The following KHDRBS2 variants were observed in gnomAD, a reference collection of about 807,000 sequenced individuals.
KHDRBS2 encodes the protein KH RNA binding domain containing, signal transduction associated 2.
Under a neutral mutation model 44.3 loss-of-function variants are expected in KHDRBS2, and 26 were observed. The ratio of observed to expected loss-of-function variants is 0.59; its 90% CI spans 0.43 to 0.81. The LOEUF (loss-of-function observed/expected upper bound fraction) is 0.81. Among genes scored for constraint, KHDRBS2 ranks in the 40% least tolerant of loss-of-function variants. The pLI is 0.00. For synonymous variants in KHDRBS2, 194 were observed against 151.1 expected (o/e 1.28, Z -2.08); for missense variants, 476 against 433.1 (o/e 1.10, Z -0.88).
At chr6:61,550,436 C>A in the KHDRBS2 span, among the ~76,000 whole-genome samples, 1 of 152,128 alleles carries the variant, frequency 6.6e-6, no homozygotes, top group Non-Finnish European at 1.5e-5. Flanking sequence ...ATCCAGTCTA[C>A]AATTTATGGA....
At chr6:62,064,330 C>T (rs1157721589) in intron 2 of KHDRBS2, among the ~76,000 whole-genome samples, 1 of 149,112 alleles carries the variant, frequency 6.7e-6, no homozygotes, top group Non-Finnish European at 1.5e-5. Context: ...CAAGTCAATC[C>T]TAAGCCAAAA....
At chr6:61,771,650 A>G (rs1780929182) in intron 6 of KHDRBS2, among the ~76,000 whole-genome samples, 1 of 152,184 alleles carries the variant, frequency 6.6e-6, no homozygotes, top group East Asian at 1.9e-4. Flanking sequence ...TCCTAAATAT[A>G]TATGCACCCA....
intron 2 of KHDRBS2, among the ~76,000 whole-genome samples, chr6:62,053,950 T>C (rs1030666376): frequency 6.6e-6 from 1 of 151,982 alleles, no homozygotes; most frequent in Non-Finnish European, 1.5e-5. Context: ...GGAGATACCA[T>C]TTATATAGGA....
At chr6:61,613,121 G>C in the KHDRBS2 span, among the ~76,000 whole-genome samples, 1 of 152,150 alleles carries the variant, frequency 6.6e-6, no homozygotes, top group South Asian at 2.1e-4. Flanking sequence ...CAAAGTGCTG[G>C]GATTACAGGC....
the KHDRBS2 span, among the ~76,000 whole-genome samples, chr6:61,603,381 C>T: frequency 5.9e-5 from 9 of 152,118 alleles, no homozygotes; most frequent in Non-Finnish European, 1.3e-4. Context: ...CCTTTGCATC[C>T]TTCATCCCAG....
intron 7 of KHDRBS2, among the ~76,000 whole-genome samples, chr6:61,723,540 C>A (rs1350275484): frequency 6.6e-6 from 1 of 151,890 alleles, no homozygotes; most frequent in South Asian, 2.1e-4. Context: ...CAGAGAAAGA[C>A]TCCATCTCAA....
the KHDRBS2 span, among the ~76,000 whole-genome samples, chr6:61,583,144 A>G: frequency 1.3e-5 from 2 of 151,800 alleles, no homozygotes; most frequent in Non-Finnish European, 3.0e-5. Context: ...GCCCTTTTTC[A>G]ATGAACTGAT....
At chr6:61,962,390 T>A (rs1053239858) in intron 4 of KHDRBS2, among the ~76,000 whole-genome samples, 24 of 152,206 alleles carry the variant, frequency 1.6e-4, no homozygotes, top group African/African-American at 5.8e-4. Flanking sequence ...AACAAAATAG[T>A]ATGTGTGGCC....
At chr6:61,888,034 A>G (rs1361543052) in intron 6 of KHDRBS2, among the ~76,000 whole-genome samples, 1 of 152,214 alleles carries the variant, frequency 6.6e-6, no homozygotes, top group African/African-American at 2.4e-5. Context: ...ACAGTTTTTC[A>G]AAAATATATC....
intron 1 of KHDRBS2, among the ~76,000 whole-genome samples, chr6:62,202,101 A>T (rs1341113888): frequency 6.6e-6 from 1 of 152,124 alleles, no homozygotes; most frequent in African/African-American, 2.4e-5. Context: ...AATTGGGTAT[A>T]GGACTTGTAT....
At chr6:62,129,285 G>A (rs1015417714) in intron 2 of KHDRBS2, among the ~76,000 whole-genome samples, 2 of 152,036 alleles carry the variant, frequency 1.3e-5, no homozygotes, top group Admixed American at 1.3e-4. Context: ...ATTCTTACAG[G>A]TAAATGTCAT....
At chr6:61,974,745 A>G (rs887745157) in intron 4 of KHDRBS2, among the ~76,000 whole-genome samples, 4 of 151,748 alleles carry the variant, frequency 2.6e-5, no homozygotes, top group Admixed American at 6.6e-5. Context: ...AGCCTGACCA[A>G]TGTGGTGAAA....
the KHDRBS2 span, among the ~76,000 whole-genome samples, chr6:61,651,018 T>C: frequency 1.3e-5 from 2 of 152,106 alleles, no homozygotes; most frequent in South Asian, 4.1e-4. Flanking sequence ...TTAGTCTTAA[T>C]GGAAATTCAA....
chr6:61,850,036 A>C (rs1259473196), intron 6 of KHDRBS2, among the ~76,000 whole-genome samples: 1 of 152,174 alleles, frequency 6.6e-6, no homozygotes, highest in Admixed American at 6.5e-5. Flanking sequence ...AGCTCCTCAG[A>C]GTAGCAAATT....
At chr6:61,573,217 C>T in the KHDRBS2 span, among the ~76,000 whole-genome samples, 1 of 152,088 alleles carries the variant, frequency 6.6e-6, no homozygotes, top group Non-Finnish European at 1.5e-5. Flanking sequence ...ATCCCTTTTA[C>T]AACAGCTGCA....
the KHDRBS2 span, among the ~76,000 whole-genome samples, chr6:61,581,025 C>G: frequency 6.6e-6 from 1 of 152,158 alleles, no homozygotes; most frequent in East Asian, 1.9e-4. Context: ...CACTTTAAAT[C>G]TACGTTATCA....
At position 62,241,060 on chromosome 6, in the gene KHDRBS2, T is replaced by A. The variant is rs531227415; in HGVS notation, c.91+44798A>T. Among the ~76,000 whole-genome samples the A allele has an allele frequency of 2.0e-5, 3 of 152,176 alleles. No homozygotes were observed. In the East Asian group the frequency reaches 5.8e-4, roughly 29 times the overall value. On this transcript the variant is annotated intron_variant, in intron 1 of 8. Transcript: ENST00000281156. ...TTTGTCAGTTTAAAGTGTTTCAAAA[T>A]TTTTTAAGTATGGAAAGAATAAAGT...
rs1377276404 is a variant in KHDRBS2 at position 61,920,842 on chromosome 6, T to G, written c.484-19471A>C. 2.0e-5 allele frequency among the ~76,000 whole-genome samples: 3 copies of G among 151,870 alleles called. No homozygotes were observed. In the East Asian group the frequency reaches 5.8e-4, roughly 29 times the overall value. Reference sequence around the variant, plus strand: ...AACAAAATACTGACTCAAGTGAAGATTTTGTAGAAATATAGATGGAAAGAG... The same window carrying G: ...AACAAAATACTGACTCAAGTGAAGAGTTTGTAGAAATATAGATGGAAAGAG... On this transcript the variant is annotated intron_variant, in intron 4 of 8. Coordinates refer to ENST00000281156, the MANE Select transcript of KHDRBS2 (RefSeq NM_152688.4).
intron 6 of KHDRBS2, among the ~76,000 whole-genome samples, chr6:61,810,747 A>G (rs1388920541): frequency 6.6e-6 from 1 of 152,098 alleles, no homozygotes. Context: ...TGAGAATTGA[A>G]TAAAATAAGC....
Sources: allele counts gnomAD v4.1 joint callset (sites outside exome capture counted in the v4.1 genomes callset), GRCh38; gene constraint gnomAD v4.1.1; transcripts MANE v1.5; gene names NCBI Gene and HGNC (gene_info 2026-07-23, HGNC 2026-07-21).